The following COL15A1 variants were observed in gnomAD, a reference collection of about 807,000 sequenced individuals.
The protein encoded by COL15A1 is collagen alpha-1(XV) chain.
COL15A1 carries 111 observed loss-of-function variants against 165.9 expected under a neutral mutation model. That is an observed-to-expected ratio of 0.67 (90% CI 0.57 to 0.78). The LOEUF (loss-of-function observed/expected upper bound fraction) is 0.78, where lower values mean the gene tolerates loss of function less well. Ranked by LOEUF, COL15A1 falls within the 30% of genes least tolerant of loss-of-function variation. The pLI is 0.00. For synonymous variants in COL15A1, 659 were observed against 674.8 expected, an observed-to-expected ratio of 0.98 and a Z score of 0.36; for missense variants, 1,745 against 1,789.7, an observed-to-expected ratio of 0.98 and a Z score of 0.45.
In COL15A1 at chr9:99,004,997, G is replaced by A. The variant is rs370219945; in HGVS notation, c.1300G>A (p.Gly434Arg). The change falls in exon 9 of 42, where the codon GGG (glycine) becomes AGG (arginine). Residue 434 changes from glycine (G) to arginine (R), a missense_variant. Physicochemically the swap from Gly to Arg is moderately radical, Grantham distance 125. Transcript: ENST00000375001. ...GEVEASGVAP[G>R]ELDLSMSAQS... is the part of the protein sequence containing the mutation. ...AGTGGAGGCCAGTGGTGTGGCCCCCGGGGAGCTGGACCTCTCCATGTCCGC... is the reference window on the plus strand; with the variant it reads ...AGTGGAGGCCAGTGGTGTGGCCCCCAGGGAGCTGGACCTCTCCATGTCCGC... 125 of 1,613,628 alleles carry A rather than the reference G, an allele frequency of 7.7e-5. No individual in the cohort carries two copies. The highest frequency in any genetic ancestry group is 1.3e-4 in the Admixed American group (8 of 59,960).
intron 2 of COL15A1, among the ~76,000 whole-genome samples, chr9:98,960,261 G>A (rs1293355420): frequency 6.6e-6 from 1 of 152,042 alleles, no homozygotes; most frequent in Admixed American, 6.6e-5. Context: ...TTAGCATGAT[G>A]TGGTGACATG....
chr9:98,990,141 G>A (rs1838393060), intron 5 of COL15A1, among the ~76,000 whole-genome samples: 1 of 152,216 alleles, frequency 6.6e-6, no homozygotes, highest in Non-Finnish European at 1.5e-5. Flanking sequence ...AATAGAACTA[G>A]ACTCTGTTAG....
chr9:99,066,813 G>A, intron 39 of COL15A1, 69 bp from the exon 40 acceptor site: 2 of 1,411,544 alleles, frequency 1.4e-6, no homozygotes, highest in African/African-American at 1.4e-5. Context: ...TTGCAGGAAT[G>A]TGAGATGGTT....
rs959205702 is a variant in COL15A1 at position 99,022,193 on chromosome 9, C to T, written c.1761+43C>T. 3.1e-6 allele frequency: 5 copies of T among 1,612,602 alleles called. No homozygotes were observed. The South Asian group carries it at 4.4e-5, about 14-fold the overall frequency. On this transcript the variant is annotated intron_variant, in intron 13 of 41. Coordinates refer to ENST00000375001, the MANE Select transcript of COL15A1 (RefSeq NM_001855.5). ...GCTTGTCACACACACAGGTGTAAGA[C>T]CAGGGATGCGGCCAAAACAGCCACA...
At chr9:98,973,664 CTGTG>C (rs1211896732) in intron 2 of COL15A1, among the ~76,000 whole-genome samples, 1 of 152,212 alleles carries the variant, frequency 6.6e-6, no homozygotes, top group Non-Finnish European at 1.5e-5. Flanking sequence ...AGGCAGAGAG[CTGTG>C]ACATTTTCCT....
chr9:98,973,895 G>C (rs1003027987), intron 2 of COL15A1, among the ~76,000 whole-genome samples: 1 of 152,212 alleles, frequency 6.6e-6, no homozygotes, highest in African/African-American at 2.4e-5. Context: ...ACCTGGCAAG[G>C]GCCTTTGGAA....
At chr9:99,021,544 T>G (rs1220331007) in intron 12 of COL15A1, among the ~76,000 whole-genome samples, 1 of 152,222 alleles carries the variant, frequency 6.6e-6, no homozygotes, top group Non-Finnish European at 1.5e-5. Flanking sequence ...ATCTGCCTCT[T>G]TTCCAAATGT....
chr9:98,989,707 C>T (rs1348837348), intron 5 of COL15A1, among the ~76,000 whole-genome samples: 3 of 152,194 alleles, frequency 2.0e-5, no homozygotes, highest in Non-Finnish European at 2.9e-5. Context: ...TGGCCCTGAA[C>T]GATGGCTCTT....
At chr9:98,966,451 G>A (rs1024403217) in intron 2 of COL15A1, among the ~76,000 whole-genome samples, 2 of 152,170 alleles carry the variant, frequency 1.3e-5, no homozygotes, top group Non-Finnish European at 2.9e-5. Flanking sequence ...CTTGCCCCAT[G>A]GCCCCAGCTC....
chr9:99,020,492 C>G, intron 12 of COL15A1, 50 bp downstream of exon 12: 1 of 1,297,092 alleles, frequency 7.7e-7, no homozygotes, highest in South Asian at 1.2e-5. Flanking sequence ...GATCAAGTGT[C>G]CTGAACATGT....
rs576391605 is a variant in COL15A1, at chr9:99,001,330, G to T, written c.1065+379G>T. On this transcript the variant is annotated intron_variant, in intron 7 of 41. Coordinates refer to ENST00000375001, the MANE Select transcript of COL15A1 (RefSeq NM_001855.5). ...GCAGGTGTGTTCATGCTATTGTTTGGTAATTGGCTTTTACACCTGCAAAGC... is the reference window on the plus strand; with the variant it reads ...GCAGGTGTGTTCATGCTATTGTTTGTTAATTGGCTTTTACACCTGCAAAGC... 7.2e-5 allele frequency among the ~76,000 whole-genome samples: 11 copies of T among 152,286 alleles called. No individual in the cohort carries two copies. The South Asian group carries it at 2.3e-3, about 32-fold the overall frequency.
intron 2 of COL15A1, among the ~76,000 whole-genome samples, chr9:98,952,206 A>G (rs1001245192): frequency 9.9e-5 from 15 of 152,044 alleles, no homozygotes; most frequent in African/African-American, 3.1e-4. Context: ...CCAACTTACT[A>G]TGTTCTCTGT....
chr9:99,028,954 A>G (rs1364822292), intron 16 of COL15A1, among the ~76,000 whole-genome samples: 1 of 152,238 alleles, frequency 6.6e-6, no homozygotes, highest in Admixed American at 6.5e-5. Flanking sequence ...TTCCCAAATC[A>G]AGATGATCAA....
At chr9:99,035,454 T>G in intron 19 of COL15A1, 36 bp downstream of exon 19, 2 of 1,612,174 alleles carry the variant, frequency 1.2e-6, no homozygotes, top group Non-Finnish European at 1.7e-6. Context: ...ATGAGGGTTG[T>G]CACACTGTCA....
At position 99,040,183 on chromosome 9, in the gene COL15A1, A is replaced by C. The variant is rs777824773; in HGVS notation, c.2476-338A>C. Among the ~76,000 whole-genome samples the C allele has an allele frequency of 3.9e-4, 59 of 152,276 alleles. 1 individual carries two copies. The highest frequency in any genetic ancestry group is 3.4e-3 in the Middle Eastern group (1 of 294). On this transcript the variant is annotated intron_variant, in intron 22 of 41. Transcript: ENST00000375001. Reference sequence around the variant, plus strand: ...GTCTTTGTTTTCCCCAAGCTATTGGAGGTTTCTGATATTAGGTGGGTGGAT... The same window carrying C: ...GTCTTTGTTTTCCCCAAGCTATTGGCGGTTTCTGATATTAGGTGGGTGGAT...
chr9:99,067,169 A>G, intron 40 of COL15A1, 102 bp downstream of exon 40: 1 of 1,022,244 alleles, frequency 9.8e-7, no homozygotes, highest in Non-Finnish European at 1.4e-6. Flanking sequence ...TGTTGACTTA[A>G]GCCTGCTCTC....
At chr9:99,062,719 C>T (rs1482280960) in intron 38 of COL15A1, among the ~76,000 whole-genome samples, 1 of 152,200 alleles carries the variant, frequency 6.6e-6, no homozygotes, top group South Asian at 2.1e-4. Context: ...GTACTATCAT[C>T]CCCGTTTTGC....
chr9:98,977,146 T>C (rs1209530998), intron 2 of COL15A1, among the ~76,000 whole-genome samples: 1 of 152,230 alleles, frequency 6.6e-6, no homozygotes, highest in African/African-American at 2.4e-5. Context: ...TATATTATTT[T>C]ATTTAAGTCA....
chr9:99,018,609 G>T (rs1047277239), intron 11 of COL15A1, among the ~76,000 whole-genome samples: 1 of 151,948 alleles, frequency 6.6e-6, no homozygotes, highest in Non-Finnish European at 1.5e-5. Flanking sequence ...AGAAAAATTG[G>T]GCATAATTTA....
Sources: gnomAD v4.1 joint callset for allele counts (sites outside exome capture counted in the v4.1 genomes callset) on GRCh38, gnomAD v4.1.1 for gene constraint, MANE v1.5 for transcripts, NCBI Gene and HGNC (gene_info 2026-07-23, HGNC 2026-07-21) for gene names.